Variants in TOX3 observed in about 807,000 individuals in gnomAD.
TOX3 encodes TOX high mobility group box family member 3, also known as CAG trinucleotide repeat-containing gene F9 protein.
Under a neutral mutation model 64.3 loss-of-function variants are expected in TOX3, and 22 were observed. The observed-to-expected ratio is 0.34, with a 90% CI of 0.24 to 0.49. The LOEUF (loss-of-function observed/expected upper bound fraction) is 0.49, where lower values mean the gene tolerates loss of function less well. Among genes scored for constraint, TOX3 ranks in the 20% least tolerant of loss-of-function variants. The probability of loss-of-function intolerance (pLI) is 0.99; values close to 1 mark genes in which losing one functional copy is unlikely to be tolerated. For synonymous variants in TOX3, 291 were observed against 273.6 expected (o/e 1.06, Z -0.63); for missense variants, 661 against 714.4 (o/e 0.93, Z 0.85).
chr16:52,506,456 G>GATTGGAGAC (rs997953307), intron 1 of TOX3, among the ~76,000 whole-genome samples: 2 of 152,160 alleles, frequency 1.3e-5, no homozygotes, highest in African/African-American at 4.8e-5. Flanking sequence ...CAATGTATCA[G>GATTGGAGAC]ATTGGATTGG....
Position 52,521,423 on chromosome 16 carries a change from A to T in TOX3, c.87+25214T>A, listed in dbSNP as rs149647299. Among the ~76,000 whole-genome samples, 1,039 of 152,262 alleles carry T rather than the reference A, an allele frequency of 6.8e-3. 15 individuals are homozygous for T. Among genetic ancestry groups the T allele is most frequent in the African/African-American group, 0.023 (945 of 41,530 alleles). On this transcript the variant is annotated intron_variant, in intron 1 of 6. Transcript: ENST00000219746. ...CCTTCTCTGCCAGATATTTGGAAAC[A>T]TACAAGGGTTGTAGTATTCAGCTGG...
Position 52,450,481 on chromosome 16 carries a change from G to T in TOX3, c.474C>A (p.Val158=). ...QDPSLIMRSI[V]HMTDAARSGV... ...CAGAACGCGCAGCATCGGTCATGTG[G>T]ACGATGGACCGCATGATCAGGGAGG... The change falls in exon 4 of 7, where the codon GTC becomes GTA. Residue 158 remains valine, a synonymous_variant. Coordinates refer to ENST00000219746, the MANE Select transcript of TOX3 (RefSeq NM_001080430.4). The T allele has an allele frequency of 1.2e-6, 2 of 1,614,064 alleles. No individual in the cohort carries two copies. Among genetic ancestry groups the T allele is most frequent in the Non-Finnish European group, 1.7e-6 (2 of 1,179,888 alleles).
intron 3 of TOX3, among the ~76,000 whole-genome samples, chr16:52,453,264 A>T (rs1023514207): frequency 1.3e-5 from 2 of 151,024 alleles, no homozygotes; most frequent in Admixed American, 1.3e-4. Context: ...GCTCACTGCA[A>T]CCTCCACCTC....
intron 6 of TOX3, 83 bp from the exon 7 acceptor site, chr16:52,440,051 G>C (rs1959914386): frequency 8.4e-7 from 1 of 1,197,566 alleles, no homozygotes; most frequent in Non-Finnish European, 1.1e-6. Flanking sequence ...ATTATAAATT[G>C]ATTTTTTTTA....
At chr16:52,471,508 A>G (rs1961044886) in intron 1 of TOX3, among the ~76,000 whole-genome samples, 1 of 152,194 alleles carries the variant, frequency 6.6e-6, no homozygotes. Flanking sequence ...ACATCAGTAA[A>G]CACATTATAG....
Position 52,439,636 on chromosome 16 carries a change from C to T in TOX3, c.1320G>A (p.Gln440=), listed in dbSNP as rs752742451. The change falls in exon 7 of 7, where the codon CAG becomes CAA. Residue 440 remains glutamine (Q), a synonymous_variant. Coordinates refer to ENST00000219746, the MANE Select transcript of TOX3 (RefSeq NM_001080430.4). ...TQVSPSVQTQ[Q]HQMQLQQQQQ... Reference sequence around the variant, plus strand: ...GCTGCTGCTGCAATTGCATCTGATGCTGCTGGGTTTGCACCGAAGGACTCA... The same window carrying T: ...GCTGCTGCTGCAATTGCATCTGATGTTGCTGGGTTTGCACCGAAGGACTCA... The T allele has an allele frequency of 1.9e-6, 3 of 1,613,624 alleles. No homozygotes were observed. The highest frequency in any genetic ancestry group is 2.5e-6 in the Non-Finnish European group (3 of 1,179,622).
Position 52,498,591 on chromosome 16 carries a change from G to T in TOX3, c.88-30017C>A, listed in dbSNP as rs368490636. Among the ~76,000 whole-genome samples the T allele has an allele frequency of 1.1e-3, 172 of 152,250 alleles. 3 individuals are homozygous for T. The South Asian group carries it at 0.023, about 21-fold the overall frequency. On this transcript the variant is annotated intron_variant, in intron 1 of 6. Transcript: ENST00000219746. ...CAAATCTGAACCTTTGTGGGGTTGG[G>T]GGGGGGAGGCTGTATTTTCTAACAA... is the stretch of plus-strand genomic sequence containing the variant.
At chr16:52,502,911 C>T (rs1407889618) in intron 1 of TOX3, among the ~76,000 whole-genome samples, 1 of 152,106 alleles carries the variant, frequency 6.6e-6, no homozygotes, top group African/African-American at 2.4e-5. Flanking sequence ...AGCTTTTAAG[C>T]TCTATGGGTC....
At chr16:52,454,126 G>T (rs537437229) in intron 3 of TOX3, among the ~76,000 whole-genome samples, 2 of 151,972 alleles carry the variant, frequency 1.3e-5, no homozygotes, top group Non-Finnish European at 2.9e-5. Context: ...GGCATGTCCC[G>T]GCAGAGATAG....
chr16:52,457,592 A>T (rs1960557788), intron 3 of TOX3, among the ~76,000 whole-genome samples: 1 of 152,218 alleles, frequency 6.6e-6, no homozygotes, highest in Non-Finnish European at 1.5e-5. Flanking sequence ...ATTACTTTGT[A>T]TTCATAAATA....
chr16:52,541,657 T>G (rs71388273), intron 1 of TOX3, among the ~76,000 whole-genome samples: 3 of 152,216 alleles, frequency 2.0e-5, no homozygotes, highest in South Asian at 2.1e-4. Flanking sequence ...TGAAGTAGAT[T>G]CCTTGAAATA....
intron 1 of TOX3, among the ~76,000 whole-genome samples, chr16:52,491,963 C>T (rs1961699097): frequency 6.6e-6 from 1 of 152,048 alleles, no homozygotes; most frequent in African/African-American, 2.4e-5. Flanking sequence ...GGCTACACAC[C>T]ACATTGCCAG....
At chr16:52,469,889 C>T (rs1324761446) in intron 1 of TOX3, among the ~76,000 whole-genome samples, 3 of 152,166 alleles carry the variant, frequency 2.0e-5, no homozygotes, top group African/African-American at 7.2e-5. Flanking sequence ...AAGAACTAAG[C>T]AGGATTTATA....
upstream of TOX3, chr16:52,547,512 C>T (rs12930156): frequency 0.35 from 53,647 of 152,102 alleles, 10,252 homozygotes; most frequent in East Asian, 0.62. Flanking sequence ...CTTCCCCGGG[C>T]CCCAGCATCC....
intron 1 of TOX3, among the ~76,000 whole-genome samples, chr16:52,504,497 C>T (rs1962105001): frequency 1.3e-5 from 2 of 151,116 alleles, no homozygotes; most frequent in Non-Finnish European, 1.5e-5. Flanking sequence ...AGTTCACACT[C>T]TAAAATGAAG....
intron 1 of TOX3, among the ~76,000 whole-genome samples, chr16:52,500,733 A>C (rs1567337642): frequency 2.0e-5 from 3 of 152,234 alleles, no homozygotes; most frequent in African/African-American, 7.2e-5. Context: ...TCTTCCTCAC[A>C]ACCTTAGAAA....
At position 52,436,886 on chromosome 16, in the gene TOX3, A is replaced by G. The variant is rs1959768968; in HGVS notation, c.*2339T>C. On this transcript the variant is annotated 3_prime_UTR_variant, in exon 7 of 7. Coordinates refer to ENST00000219746, the MANE Select transcript of TOX3 (RefSeq NM_001080430.4). ...TGGGTTTTCAAAATGACAATTACAG[A>G]ACTAATACACAATTACTGTCACATG... 6.6e-6 allele frequency: 1 copy of G among 152,244 alleles called. No homozygotes were observed. The highest frequency in any genetic ancestry group is 1.5e-5 in the Non-Finnish European group (1 of 68,044). 9.4% of individuals were successfully genotyped at this position (152,244 alleles called of 1,614,324 possible). A position where few individuals can be genotyped will look rare whatever the true frequency, so the allele number is the denominator to read the frequency against.
intron 1 of TOX3, among the ~76,000 whole-genome samples, chr16:52,492,248 T>C (rs1399310506): frequency 2.0e-5 from 3 of 147,058 alleles, no homozygotes; most frequent in African/African-American, 7.4e-5. Context: ...TTATATTATA[T>C]ATTATACAAT....
rs761547535 is a variant in TOX3 at position 52,450,298 on chromosome 16, C to T, written c.657G>A (p.Glu219=). The T allele has an allele frequency of 4.3e-6, 7 of 1,614,016 alleles. No homozygotes were observed. Among genetic ancestry groups the T allele is most frequent in the South Asian group, 2.2e-5 (2 of 91,086 alleles). The part of the protein sequence containing the change: ...TPSPSSSINE[E]DADEANRAIG... Reference sequence around the variant, plus strand: ...TTACTCTGTTGGCTTCATCAGCATCCTCTTCATTGATGGAGCTGGAAGGGG... The same window carrying T: ...TTACTCTGTTGGCTTCATCAGCATCTTCTTCATTGATGGAGCTGGAAGGGG... Residue 219 remains glutamate (E), a synonymous_variant, in exon 4 of 7, where the codon GAG becomes GAA. Coordinates refer to ENST00000219746, the MANE Select transcript of TOX3 (RefSeq NM_001080430.4).
Sources: allele counts gnomAD v4.1 joint callset (sites outside exome capture counted in the v4.1 genomes callset), GRCh38; gene constraint gnomAD v4.1.1; transcripts MANE v1.5; gene names NCBI Gene and HGNC (gene_info 2026-07-23, HGNC 2026-07-21).